Variants in SDK1 observed in about 807,000 individuals in gnomAD.
SDK1 encodes the protein protein sidekick-1.
In SDK1, 157 loss-of-function variants were observed where a neutral mutation model predicts 245.5. The observed-to-expected ratio is 0.64, with a 90% confidence interval of 0.56 to 0.73. The LOEUF is 0.73. Ranked by LOEUF, SDK1 falls within the 30% of genes least tolerant of loss-of-function variation. SDK1 has a pLI of 0.00. For missense variants in SDK1, 3,583 were observed against 3,002.3 expected (o/e 1.19, Z -4.52); for synonymous variants, 1,647 against 1,278.5 (o/e 1.29, Z -6.15).
At chr7:4,043,919 CT>C (rs1193531951) in intron 17 of SDK1, among the ~76,000 whole-genome samples, 1 of 152,050 alleles carries the variant, frequency 6.6e-6, no homozygotes, top group Non-Finnish European at 1.5e-5. Flanking sequence ...AAATGTTGGT[CT>C]TTTCCCAATA....
intron 4 of SDK1, among the ~76,000 whole-genome samples, chr7:3,698,812 C>G (rs1036005913): frequency 2.0e-5 from 3 of 152,152 alleles, no homozygotes; most frequent in Non-Finnish European, 2.9e-5. Flanking sequence ...TCATAAGTGC[C>G]CTGTGCTCAT....
At chr7:3,470,439 A>T (rs1781146363) in intron 1 of SDK1, among the ~76,000 whole-genome samples, 1 of 152,210 alleles carries the variant, frequency 6.6e-6, no homozygotes, top group Admixed American at 6.5e-5. Flanking sequence ...CAAACAATTT[A>T]ATTTTTGATA....
Position 4,077,027 on chromosome 7 carries a change from A to G in SDK1, c.3040A>G (p.Arg1014Gly). ...TCAGATCTCTTGGGAAGTGTACGGC[A>G]GGAACGACTCTCGTCTCACGCACAC... ...GYQISWEVYG[R>G]NDSRLTHTLN... Residue 1014 changes from arginine to glycine, a missense_variant, in exon 21 of 45, where the codon AGG becomes GGG. Transcript: ENST00000404826. The G allele has an allele frequency of 6.2e-7, 1 of 1,614,162 alleles. No individual in the cohort carries two copies.
intron 5 of SDK1, among the ~76,000 whole-genome samples, chr7:3,855,012 C>G (rs1465605123): frequency 6.6e-6 from 1 of 152,116 alleles, no homozygotes. Context: ...CCTGTACGTC[C>G]TAATCCAGCC....
intron 4 of SDK1, among the ~76,000 whole-genome samples, chr7:3,790,695 A>C (rs1583416587): frequency 6.6e-6 from 1 of 152,072 alleles, no homozygotes; most frequent in Non-Finnish European, 1.5e-5. Flanking sequence ...GATCCCAGCT[A>C]CTCGGGAGAC....
intron 4 of SDK1, among the ~76,000 whole-genome samples, chr7:3,770,935 G>A (rs915061665): frequency 6.6e-6 from 1 of 152,114 alleles, no homozygotes; most frequent in African/African-American, 2.4e-5. Context: ...TCCAGTCCTG[G>A]GGTCCCTAGC....
intron 1 of SDK1, among the ~76,000 whole-genome samples, chr7:3,598,220 T>G (rs1225966737): frequency 6.6e-6 from 1 of 152,216 alleles, no homozygotes; most frequent in African/African-American, 2.4e-5. Flanking sequence ...GTTCAAGCCT[T>G]TTGCTCATTT....
chr7:4,214,746 T>G (rs1193242756), intron 38 of SDK1, among the ~76,000 whole-genome samples: 1 of 152,164 alleles, frequency 6.6e-6, no homozygotes, highest in Non-Finnish European at 1.5e-5. Flanking sequence ...TGCCCAGCGG[T>G]GCTGGTGACA....
intron 5 of SDK1, among the ~76,000 whole-genome samples, chr7:3,880,766 A>T (rs1781189494): frequency 6.6e-6 from 1 of 152,112 alleles, no homozygotes; most frequent in African/African-American, 2.4e-5. Flanking sequence ...GGCTGAGAGC[A>T]GTTCCCGGGC....
chr7:3,355,895 CTGTT>C (rs1222258245), intron 1 of SDK1, among the ~76,000 whole-genome samples: 1 of 152,156 alleles, frequency 6.6e-6, no homozygotes, highest in Admixed American at 6.5e-5. Context: ...CTTGATCCTG[CTGTT>C]TGTTCTTTTT....
chr7:3,858,017 A>G (rs1235561356), intron 5 of SDK1, among the ~76,000 whole-genome samples: 1 of 152,200 alleles, frequency 6.6e-6, no homozygotes, highest in Admixed American at 6.5e-5. Context: ...CTCTCCCCAA[A>G]TCTATAAATT....
At chr7:3,831,777 G>A (rs963498354) in intron 5 of SDK1, among the ~76,000 whole-genome samples, 5 of 151,996 alleles carry the variant, frequency 3.3e-5, no homozygotes, top group African/African-American at 7.3e-5. Context: ...TTAATCACCC[G>A]GGCATGTTGA....
At chr7:3,794,580 G>C (rs1778916464) in intron 4 of SDK1, among the ~76,000 whole-genome samples, 1 of 152,108 alleles carries the variant, frequency 6.6e-6, no homozygotes, top group Non-Finnish European at 1.5e-5. Context: ...GTAAGAAGAG[G>C]AAGAGGGACC....
intron 22 of SDK1, among the ~76,000 whole-genome samples, chr7:4,105,861 G>A (rs1469591143): frequency 2.6e-5 from 4 of 152,184 alleles, no homozygotes; most frequent in Non-Finnish European, 4.4e-5. Context: ...GTGGTGCAGG[G>A]GGACAGGTGT....
intron 4 of SDK1, among the ~76,000 whole-genome samples, chr7:3,772,876 T>C (rs1224653852): frequency 6.6e-6 from 1 of 152,212 alleles, no homozygotes; most frequent in Non-Finnish European, 1.5e-5. Flanking sequence ...GTTTTTGTTT[T>C]TTCAAATTTT....
intron 4 of SDK1, among the ~76,000 whole-genome samples, chr7:3,777,051 G>C (rs994156387): frequency 1.3e-5 from 2 of 152,110 alleles, no homozygotes; most frequent in African/African-American, 2.4e-5. Flanking sequence ...ACTGGTAATT[G>C]TGATGATATT....
chr7:3,973,489 A>G (rs138207237), intron 12 of SDK1, among the ~76,000 whole-genome samples: 1 of 152,328 alleles, frequency 6.6e-6, no homozygotes, highest in African/African-American at 2.4e-5. Context: ...ATTGCTACAG[A>G]TAGATTAAAT....
At chr7:3,882,648 C>T (rs754446104) in intron 5 of SDK1, among the ~76,000 whole-genome samples, 2 of 152,052 alleles carry the variant, frequency 1.3e-5, no homozygotes, top group African/African-American at 4.8e-5. Context: ...ATTGTTGGAG[C>T]GTGTTTCACC....
intron 4 of SDK1, among the ~76,000 whole-genome samples, chr7:3,741,338 T>A (rs540292594): frequency 2.6e-5 from 4 of 152,200 alleles, no homozygotes; most frequent in Non-Finnish European, 5.9e-5. Flanking sequence ...CAGCCCCCTG[T>A]TCTCCCAGCT....
Sources: gnomAD v4.1 joint callset for allele counts (sites outside exome capture counted in the v4.1 genomes callset) on GRCh38, gnomAD v4.1.1 for gene constraint, MANE v1.5 for transcripts, NCBI Gene and HGNC (gene_info 2026-07-23, HGNC 2026-07-21) for gene names.